Variants in SCNN1B observed in about 807,000 individuals in gnomAD.
The protein encoded by SCNN1B is epithelial sodium channel subunit beta.
SCNN1B carries 46 observed loss-of-function variants against 65.3 expected under a neutral mutation model. The observed-to-expected ratio is 0.70, with a 90% CI of 0.56 to 0.90. The LOEUF (loss-of-function observed/expected upper bound fraction) is 0.90, where lower values mean the gene tolerates loss of function less well. Ranked by LOEUF, SCNN1B falls within the 40% of genes least tolerant of loss-of-function variation. SCNN1B has a pLI of 0.00. For synonymous variants in SCNN1B, 349 were observed against 330.6 expected, an observed-to-expected ratio of 1.06 and a Z score of -0.60; for missense variants, 751 against 830.5, an observed-to-expected ratio of 0.90 and a Z score of 1.18.
At chr16:23,312,688 G>A (rs543686767) in intron 1 of SCNN1B, among the ~76,000 whole-genome samples, 1 of 152,244 alleles carries the variant, frequency 6.6e-6, no homozygotes, top group African/African-American at 2.4e-5. Context: ...TGGGTGAGTG[G>A]AGAGAGGGCA....
At chr16:23,291,422 T>C (rs1960922349) in intron 2 of SCNN1B, among the ~76,000 whole-genome samples, 2 of 152,014 alleles carry the variant, frequency 1.3e-5, no homozygotes, top group African/African-American at 4.8e-5. Context: ...TGTATCCTAC[T>C]GTAATTTTTG....
At chr16:23,347,380 T>A (rs1962212156) in intron 1 of SCNN1B, among the ~76,000 whole-genome samples, 1 of 152,212 alleles carries the variant, frequency 6.6e-6, no homozygotes, top group Non-Finnish European at 1.5e-5. Context: ...GTAAGTTAGA[T>A]GTAATTGTTA....
At chr16:23,302,631 G>A (rs1448086435) in intron 1 of SCNN1B, among the ~76,000 whole-genome samples, 194 bp downstream of exon 1, 1 of 152,180 alleles carries the variant, frequency 6.6e-6, no homozygotes. Flanking sequence ...GGGCGGAGGG[G>A]AGAGCTGGAG....
intron 2 of SCNN1B, among the ~76,000 whole-genome samples, chr16:23,296,638 G>A (rs1414556523): frequency 2.0e-5 from 3 of 152,218 alleles, no homozygotes; most frequent in Admixed American, 6.5e-5. Flanking sequence ...GACATGGATC[G>A]TGTCAGCTGG....
chr16:23,357,061 C>T (rs906908242), intron 4 of SCNN1B, among the ~76,000 whole-genome samples: 1 of 152,230 alleles, frequency 6.6e-6, no homozygotes, highest in Non-Finnish European at 1.5e-5. Context: ...TCAGCCAGTC[C>T]TGTTTCTGAG....
intron 2 of SCNN1B, among the ~76,000 whole-genome samples, chr16:23,286,919 C>T (rs1000318749): frequency 6.6e-6 from 1 of 151,876 alleles, no homozygotes; most frequent in Non-Finnish European, 1.5e-5. Flanking sequence ...AGAAAGAGCC[C>T]GTCTCTATTA....
upstream of SCNN1B, among the ~76,000 whole-genome samples, chr16:23,298,769 A>G (rs1196474627): frequency 6.6e-6 from 1 of 152,092 alleles, no homozygotes; most frequent in Non-Finnish European, 1.5e-5. Context: ...AGAACACAAC[A>G]CTCTTTGTTC....
At chr16:23,349,039 CCTTT>C (rs1962252865) in intron 2 of SCNN1B, 129 bp downstream of exon 2, 6 of 753,788 alleles carry the variant, frequency 8.0e-6, no homozygotes, top group Non-Finnish European at 1.1e-5. Flanking sequence ...TTATTTCTCC[CCTTT>C]CTTCCTTCCT....
chr16:23,322,505 C>T (rs1961609948), intron 1 of SCNN1B, among the ~76,000 whole-genome samples: 1 of 151,868 alleles, frequency 6.6e-6, no homozygotes, highest in Admixed American at 6.6e-5. Context: ...GGGACAGGGT[C>T]TTGCTATGTT....
chr16:23,333,394 C>T (rs550899088), intron 1 of SCNN1B, among the ~76,000 whole-genome samples: 89 of 152,234 alleles, frequency 5.8e-4, no homozygotes, highest in Non-Finnish European at 9.8e-4. Flanking sequence ...CTCAGTCCCA[C>T]GAGAAGCAGA....
At chr16:23,309,419 G>GATAGATAT (rs1961292350) in intron 1 of SCNN1B, among the ~76,000 whole-genome samples, 1 of 144,170 alleles carries the variant, frequency 6.9e-6, no homozygotes, top group African/African-American at 2.8e-5. Flanking sequence ...ATGATAGATA[G>GATAGATAT]ATAGATAGAT....
intron 1 of SCNN1B, among the ~76,000 whole-genome samples, chr16:23,345,903 T>C (rs1342945549): frequency 6.6e-6 from 1 of 152,142 alleles, no homozygotes; most frequent in Non-Finnish European, 1.5e-5. Context: ...GGTCTGGACC[T>C]TAAAGATCAA....
intron 4 of SCNN1B, among the ~76,000 whole-genome samples, chr16:23,364,951 C>T (rs554394530): frequency 6.6e-6 from 1 of 152,166 alleles, no homozygotes; most frequent in Non-Finnish European, 1.5e-5. Flanking sequence ...CATGGTGAAA[C>T]CCCATATCTA....
intron 2 of SCNN1B, 120 bp from the exon 3 acceptor site, chr16:23,352,681 C>T: frequency 9.2e-7 from 1 of 1,090,698 alleles, no homozygotes; most frequent in African/African-American, 1.5e-5. Context: ...ATTACCCAGT[C>T]TCAGGTAGTA....
chr16:23,290,887 A>T (rs943145250), intron 2 of SCNN1B, among the ~76,000 whole-genome samples: 1 of 152,150 alleles, frequency 6.6e-6, no homozygotes, highest in South Asian at 2.1e-4. Flanking sequence ...CTCATTAAGC[A>T]TACAATTGTC....
chr16:23,311,726 G>A (rs1961347513), intron 1 of SCNN1B, among the ~76,000 whole-genome samples: 1 of 137,184 alleles, frequency 7.3e-6, no homozygotes, highest in African/African-American at 3.0e-5. Flanking sequence ...GGACTTCAAG[G>A]CAGCTTTCAA....
At chr16:23,303,614 A>G (rs1961130901) in intron 1 of SCNN1B, among the ~76,000 whole-genome samples, 2 of 152,142 alleles carry the variant, frequency 1.3e-5, no homozygotes, top group Admixed American at 1.3e-4. Flanking sequence ...AAAATATGTA[A>G]AATACTTAGT....
Position 23,355,413 on chromosome 16 carries a change from G to A in SCNN1B, c.700G>A (p.Glu234Lys). 1 of 1,614,164 alleles carries A rather than the reference G, an allele frequency of 6.2e-7. No homozygotes were observed. Among genetic ancestry groups the A allele is most frequent in the Non-Finnish European group, 8.5e-7 (1 of 1,180,038 alleles). The change falls in exon 4 of 13, where the codon GAG (glutamate) becomes AAG (lysine). Residue 234 changes from glutamate (E) to lysine (K), a missense_variant. Physicochemically the swap from Glu to Lys is moderately conservative, Grantham distance 56. Coordinates refer to ENST00000343070, the MANE Select transcript of SCNN1B (RefSeq NM_000336.3). The stretch of plus-strand genomic sequence containing the variant: ...CATCTTTGCACAGGTGCCACAGCAG[G>A]AGCTAGTAGAGATGAGCTACCCCGG... ...TNIFAQVPQQELVEMSYPGEQ... is the reference protein window; with the variant it reads ...TNIFAQVPQQKLVEMSYPGEQ...
intron 2 of SCNN1B, among the ~76,000 whole-genome samples, chr16:23,292,677 G>T (rs1250032366): frequency 2.0e-5 from 3 of 149,646 alleles, no homozygotes; most frequent in South Asian, 2.1e-4. Context: ...CTAATTTTTT[G>T]ATTTTTTGTT....
Sources: allele counts gnomAD v4.1 joint callset (sites outside exome capture counted in the v4.1 genomes callset), GRCh38; gene constraint gnomAD v4.1.1; transcripts MANE v1.5; gene names NCBI Gene and HGNC (gene_info 2026-07-23, HGNC 2026-07-21).